TRERF1: variants seen among roughly 807,000 people sequenced by gnomAD.
TRERF1 encodes the protein transcriptional-regulating factor 1.
In TRERF1, 27 loss-of-function variants were observed where a neutral mutation model predicts 122.9. That is an observed-to-expected ratio of 0.22 (90% CI 0.16 to 0.30). TRERF1 has a LOEUF of 0.30. TRERF1 is among the 10% of genes least tolerant of loss of function. The pLI is 1.00. For synonymous variants in TRERF1, 636 were observed against 641.7 expected, an observed-to-expected ratio of 0.99 and a Z score of 0.13; for missense variants, 1,248 against 1,560.3, an observed-to-expected ratio of 0.80 and a Z score of 3.37.
At chr6:42,332,421 G>C (rs2150585381) in intron 3 of TRERF1, among the ~76,000 whole-genome samples, 1 of 152,244 alleles carries the variant, frequency 6.6e-6, no homozygotes, top group East Asian at 1.9e-4. Context: ...GGTTTCCTTG[G>C]ACAGTCAAGG....
chr6:42,375,382 G>C (rs2151082902), intron 2 of TRERF1, among the ~76,000 whole-genome samples: 1 of 152,330 alleles, frequency 6.6e-6, no homozygotes, highest in Non-Finnish European at 1.5e-5. Context: ...ATGAAGCTCA[G>C]AGGAGCCTCT....
At chr6:42,324,523 C>T (rs1239872469) in intron 3 of TRERF1, among the ~76,000 whole-genome samples, 2 of 152,092 alleles carry the variant, frequency 1.3e-5, no homozygotes, top group East Asian at 1.9e-4. Context: ...CTATAGTAAC[C>T]AAAACAATGT....
intron 3 of TRERF1, among the ~76,000 whole-genome samples, chr6:42,329,349 C>T (rs1008073209): frequency 6.6e-6 from 1 of 152,008 alleles, no homozygotes; most frequent in Non-Finnish European, 1.5e-5. Flanking sequence ...ATGCCCCCTC[C>T]TGACATTCAA....
chr6:42,253,372 T>A (rs1776176502), intron 13 of TRERF1, among the ~76,000 whole-genome samples: 2 of 152,078 alleles, frequency 1.3e-5, no homozygotes, highest in African/African-American at 4.8e-5. Context: ...CAACCCACTG[T>A]CCCACCATCA....
chr6:42,252,444 C>T (rs1775994589), intron 13 of TRERF1, among the ~76,000 whole-genome samples: 1 of 152,190 alleles, frequency 6.6e-6, no homozygotes. Flanking sequence ...TAACTGGGAG[C>T]CTGGAGAGCA....
rs111756642 is a variant in TRERF1 at position 42,245,454 on chromosome 6, G to C, written c.2745+1002C>G. Among the ~76,000 whole-genome samples, 1,459 of 152,346 alleles carry C rather than the reference G, an allele frequency of 9.6e-3. 27 individuals carry two copies. Among genetic ancestry groups the C allele is most frequent in the African/African-American group, 0.033 (1,377 of 41,578 alleles). ...ATCTGTCTCAGCCAGGGGCCAGTGG[G>C]TGCTATCAACTGCGCCCTGTTCTTT... On this transcript the variant is annotated intron_variant, in intron 14 of 17. Transcript: ENST00000372922.
chr6:42,337,980 G>A (rs947256035), intron 3 of TRERF1, among the ~76,000 whole-genome samples: 2 of 152,194 alleles, frequency 1.3e-5, no homozygotes, highest in African/African-American at 2.4e-5. Context: ...GGGATGCGGA[G>A]TCTCAGGCCC....
chr6:42,366,654 G>A (rs1012544116), intron 2 of TRERF1, among the ~76,000 whole-genome samples: 1 of 152,218 alleles, frequency 6.6e-6, no homozygotes, highest in African/African-American at 2.4e-5. Context: ...AAATCCAGCT[G>A]TGTGGAGAAG....
chr6:42,371,692 TG>T lies in TRERF1; in HGVS notation c.-453-8614del, dbSNP rs76912908. Among the ~76,000 whole-genome samples, 1,153 of 152,282 alleles carry T rather than the reference TG, an allele frequency of 7.6e-3. 36 individuals are homozygous for T. The East Asian group carries it at 0.11, about 14-fold the overall frequency. Reference sequence around the variant, plus strand: ...CATCTGTGACCTGTGTGAGGCCTTCTGGGGAACCCTACAGAGCTGGACTAGC... The same window carrying T: ...CATCTGTGACCTGTGTGAGGCCTTCTGGGAACCCTACAGAGCTGGACTAGC... On this transcript the variant is annotated intron_variant, in intron 2 of 17. Coordinates refer to ENST00000372922, the Ensembl canonical transcript of TRERF1.
intron 3 of TRERF1, among the ~76,000 whole-genome samples, chr6:42,361,488 T>C (rs1771758472): frequency 1.3e-5 from 2 of 152,144 alleles, no homozygotes; most frequent in Non-Finnish European, 2.9e-5. Context: ...CCCGAGAAAA[T>C]GTAAGGGGCT....
rs575662622 is a variant in TRERF1 at position 42,424,075 on chromosome 6, G to C, written c.-454+27102C>G. 2.0e-5 allele frequency among the ~76,000 whole-genome samples: 3 copies of C among 152,252 alleles called. No homozygotes were observed. The East Asian group carries it at 5.8e-4, about 29-fold the overall frequency. On this transcript the variant is annotated intron_variant, in intron 2 of 17. Coordinates refer to ENST00000372922, the Ensembl canonical transcript of TRERF1. ...CATGTAGATGTTGTTCATTCATTTTGCTGCTGTATAACAATCTATCACATG... is the reference window on the plus strand; with the variant it reads ...CATGTAGATGTTGTTCATTCATTTTCCTGCTGTATAACAATCTATCACATG...
intron 13 of TRERF1, among the ~76,000 whole-genome samples, chr6:42,253,640 A>C (rs939269672): frequency 2.0e-5 from 3 of 152,172 alleles, no homozygotes; most frequent in Non-Finnish European, 4.4e-5. Context: ...GTATTGGCCT[A>C]GTTCCAGGAG....
At chr6:42,274,539 C>T (rs1315214132) in intron 4 of TRERF1, among the ~76,000 whole-genome samples, 7 of 152,044 alleles carry the variant, frequency 4.6e-5, no homozygotes, top group East Asian at 1.9e-4. Flanking sequence ...ATTAGCCAGG[C>T]GTGGTGGTGC....
chr6:42,451,545 C>T (rs1788519503), intron 1 of TRERF1, among the ~76,000 whole-genome samples, 129 bp downstream of exon 1: 1 of 152,164 alleles, frequency 6.6e-6, no homozygotes, highest in South Asian at 2.1e-4. Flanking sequence ...TCCACCCTCC[C>T]TTCAGGAAAT....
At position 42,272,252 on chromosome 6, in the gene TRERF1, C is replaced by T. The variant is rs1373634033; in HGVS notation, c.-258-2404G>A. 2.0e-5 allele frequency among the ~76,000 whole-genome samples: 3 copies of T among 152,260 alleles called. No individual in the cohort carries two copies. The East Asian group carries it at 5.8e-4, about 29-fold the overall frequency. On this transcript the variant is annotated intron_variant, in intron 4 of 17. Coordinates refer to ENST00000372922, the Ensembl canonical transcript of TRERF1. ...TCGTACCCTTCTACCTGGGAGTGAGCTGAGTTGGTCTGTCCCTTTCTGAAC... is the reference window on the plus strand; with the variant it reads ...TCGTACCCTTCTACCTGGGAGTGAGTTGAGTTGGTCTGTCCCTTTCTGAAC...
At chr6:42,332,251 T>C (rs1485925013) in intron 3 of TRERF1, among the ~76,000 whole-genome samples, 1 of 152,184 alleles carries the variant, frequency 6.6e-6, no homozygotes, top group South Asian at 2.1e-4. Flanking sequence ...CGGGGAAACA[T>C]TCTAAACCAG....
At chr6:42,272,031 C>A (rs1217408639) in intron 4 of TRERF1, among the ~76,000 whole-genome samples, 1 of 152,068 alleles carries the variant, frequency 6.6e-6, no homozygotes, top group African/African-American at 2.4e-5. Context: ...TTAGATTCCA[C>A]TGGATAAATT....
At chr6:42,267,149 A>G (rs549968234) in intron 5 of TRERF1, among the ~76,000 whole-genome samples, 1 of 152,002 alleles carries the variant, frequency 6.6e-6, no homozygotes, top group African/African-American at 2.4e-5. Context: ...ACATAGGGAG[A>G]CCTGTCTCTA....
At chr6:42,336,529 G>A (rs115105394) in intron 3 of TRERF1, among the ~76,000 whole-genome samples, 6 of 152,234 alleles carry the variant, frequency 3.9e-5, no homozygotes, top group Admixed American at 6.5e-5. Flanking sequence ...AAGATGCACC[G>A]GAGTAAACAA....
Sources: gnomAD v4.1 joint callset for allele counts (sites outside exome capture counted in the v4.1 genomes callset) on GRCh38, gnomAD v4.1.1 for gene constraint, MANE v1.5 for transcripts, NCBI Gene and HGNC (gene_info 2026-07-23, HGNC 2026-07-21) for gene names.